Variants in JAZF1 observed in about 807,000 individuals in gnomAD.
JAZF1 encodes the protein JAZF zinc finger 1, also known as juxtaposed with another zinc finger protein 1.
In JAZF1, 8 loss-of-function variants were observed where a neutral mutation model predicts 26.4. That is an observed-to-expected ratio of 0.30 (90% CI 0.18 to 0.55). The LOEUF is 0.55. Among genes scored for constraint, JAZF1 ranks in the 20% least tolerant of loss-of-function variants. JAZF1 has a pLI of 0.94. For synonymous variants in JAZF1, 126 were observed against 122.3 expected (o/e 1.03, Z -0.20); for missense variants, 199 against 322.0 (o/e 0.62, Z 2.92).
intron 2 of JAZF1, among the ~76,000 whole-genome samples, chr7:27,947,330 G>A (rs1238787877): frequency 6.6e-6 from 1 of 152,162 alleles, no homozygotes; most frequent in African/African-American, 2.4e-5. Flanking sequence ...TAACTGCTGA[G>A]TTATTTTGCT....
chr7:27,969,733 G>A (rs141321986), intron 2 of JAZF1, among the ~76,000 whole-genome samples: 220 of 152,296 alleles, frequency 1.4e-3, no homozygotes, highest in African/African-American at 5.0e-3. Flanking sequence ...CTGTATGTCT[G>A]GTTAAAGAAC....
intron 1 of JAZF1, among the ~76,000 whole-genome samples, chr7:28,100,716 A>G (rs938247244): frequency 2.6e-5 from 4 of 152,208 alleles, no homozygotes; most frequent in Non-Finnish European, 5.9e-5. Context: ...AGAAAACAGA[A>G]TCACAAGACC....
In JAZF1 at chr7:28,024,349, TA is replaced by T. The variant is rs564148499; in HGVS notation, c.116-32369del. On this transcript the variant is annotated intron_variant, in intron 1 of 4. Transcript: ENST00000283928. ...TGTTTAAGAAGAGAGAACAGCATAT[TA>T]AAAGTTCTAAGGGAGAGAAAAAAAC... 9.9e-5 allele frequency among the ~76,000 whole-genome samples: 15 copies of T among 151,868 alleles called. No homozygotes were observed. In the South Asian group the frequency reaches 3.1e-3, roughly 32 times the overall value.
chr7:28,025,395 CCAT>C (rs1320068696), intron 1 of JAZF1, among the ~76,000 whole-genome samples: 7 of 152,162 alleles, frequency 4.6e-5, no homozygotes, highest in Non-Finnish European at 7.3e-5. Context: ...ACAACCACCA[CCAT>C]GAGAAAAAGA....
At chr7:28,009,024 A>C (rs1343848615) in intron 1 of JAZF1, among the ~76,000 whole-genome samples, 1 of 152,202 alleles carries the variant, frequency 6.6e-6, no homozygotes, top group Non-Finnish European at 1.5e-5. Flanking sequence ...TAATCACAAG[A>C]CATCAGATTC....
intron 1 of JAZF1, among the ~76,000 whole-genome samples, chr7:28,038,655 T>C (rs1362301691): frequency 1.3e-5 from 2 of 152,152 alleles, no homozygotes; most frequent in African/African-American, 4.8e-5. Context: ...AAAAGAAGCA[T>C]GCACACACCC....
chr7:27,999,583 G>A (rs1303705878), intron 1 of JAZF1, among the ~76,000 whole-genome samples: 1 of 152,172 alleles, frequency 6.6e-6, no homozygotes, highest in African/African-American at 2.4e-5. Flanking sequence ...CCAAGGCTTT[G>A]GCCCATATAG....
intron 1 of JAZF1, among the ~76,000 whole-genome samples, chr7:28,111,788 T>C (rs1562591514): frequency 6.6e-6 from 1 of 152,176 alleles, no homozygotes; most frequent in Non-Finnish European, 1.5e-5. Context: ...GCATGCAGCA[T>C]GCATGCATGT....
At chr7:28,034,064 A>T (rs1464350856) in intron 1 of JAZF1, among the ~76,000 whole-genome samples, 1 of 152,142 alleles carries the variant, frequency 6.6e-6, no homozygotes, top group Non-Finnish European at 1.5e-5. Flanking sequence ...TTCTTTCTCA[A>T]ATCAGTTAGT....
At chr7:27,961,924 G>A (rs1785191379) in intron 2 of JAZF1, among the ~76,000 whole-genome samples, 1 of 152,154 alleles carries the variant, frequency 6.6e-6, no homozygotes, top group African/African-American at 2.4e-5. Context: ...GCTATATGCT[G>A]GTCCAGGACT....
intron 3 of JAZF1, among the ~76,000 whole-genome samples, chr7:27,851,194 C>T (rs369026580): frequency 3.3e-5 from 5 of 152,308 alleles, no homozygotes; most frequent in East Asian, 3.9e-4. Context: ...CCACCCGCCT[C>T]GGCCTCCCAA....
intron 2 of JAZF1, among the ~76,000 whole-genome samples, chr7:27,952,155 T>G (rs1785020491): frequency 6.6e-6 from 1 of 152,192 alleles, no homozygotes; most frequent in Admixed American, 6.5e-5. Flanking sequence ...AGCACCTGCC[T>G]TCAAGGAGCC....
chr7:28,081,045 G>T (rs1227059725), intron 1 of JAZF1, among the ~76,000 whole-genome samples: 8 of 152,074 alleles, frequency 5.3e-5, no homozygotes, highest in Admixed American at 1.3e-4. Context: ...GTAGTAAGCT[G>T]GTAAATTAGA....
At chr7:28,116,973 ACCACCACACCC>A (rs1471477671) in intron 1 of JAZF1, among the ~76,000 whole-genome samples, 2 of 152,018 alleles carry the variant, frequency 1.3e-5, no homozygotes, top group African/African-American at 2.4e-5. Flanking sequence ...ACAGACATGC[ACCACCACACCC>A]AGCTAATTTT....
At chr7:28,085,447 A>C (rs951030319) in intron 1 of JAZF1, among the ~76,000 whole-genome samples, 3 of 152,232 alleles carry the variant, frequency 2.0e-5, no homozygotes, top group South Asian at 2.1e-4. Context: ...TAAAACTTGA[A>C]ATTTTTATAT....
intron 2 of JAZF1, among the ~76,000 whole-genome samples, chr7:27,899,977 G>GGGGCAGT (rs1784140090): frequency 6.6e-6 from 1 of 152,162 alleles, no homozygotes; most frequent in African/African-American, 2.4e-5. Flanking sequence ...GGTTTACATG[G>GGGGCAGT]GGGCAGTGGG....
At chr7:28,064,619 T>C (rs1267617954) in intron 1 of JAZF1, among the ~76,000 whole-genome samples, 1 of 152,246 alleles carries the variant, frequency 6.6e-6, no homozygotes, top group East Asian at 1.9e-4. Context: ...AACTTCCTCA[T>C]ACTTCATGTT....
intron 1 of JAZF1, among the ~76,000 whole-genome samples, chr7:28,141,919 CT>C (rs1038357318): frequency 6.6e-6 from 1 of 152,006 alleles, no homozygotes; most frequent in African/African-American, 2.4e-5. Flanking sequence ...TATATAACCT[CT>C]TATTGGGTTT....
rs1562591098 is a variant in JAZF1, at chr7:28,110,592, AAAAGGAAAAGGAAAAGGAAAGGAAAAGG to A, written c.115+69843_115+69870del. Among the ~76,000 whole-genome samples the A allele has an allele frequency of 2.4e-4, 30 of 125,196 alleles. 2 individuals are homozygous for A. The highest frequency in any genetic ancestry group is 8.6e-4 in the African/African-American group (29 of 33,818). The allele number at this position is 125,196 out of a possible 152,430, so 82.1% of individuals were successfully genotyped here. A position where few individuals can be genotyped will look rare whatever the true frequency, so the allele number is the denominator to read the frequency against. On this transcript the variant is annotated intron_variant, in intron 1 of 4. Coordinates refer to ENST00000283928, the MANE Select transcript of JAZF1 (RefSeq NM_175061.4). ...AAAAGGGAAAGGGAAAAGGAAAAGGAAAAGGAAAAGGAAAAGGAAAGGAAAAGGAAAGGAAAGGAAAGGAAAAGGAAAG... is the reference window on the plus strand; with the variant it reads ...AAAAGGGAAAGGGAAAAGGAAAAGGAAAAGGAAAGGAAAGGAAAAGGAAAG...
Sources: allele counts gnomAD v4.1 joint callset (sites outside exome capture counted in the v4.1 genomes callset), GRCh38; gene constraint gnomAD v4.1.1; transcripts MANE v1.5; gene names NCBI Gene and HGNC (gene_info 2026-07-23, HGNC 2026-07-21).